The following ROBO1 variants were observed in gnomAD, a reference collection of about 807,000 sequenced individuals.
The protein encoded by ROBO1 is roundabout homolog 1.
A neutral mutation model predicts 195.9 loss-of-function variants in ROBO1; 149 were observed. The observed-to-expected ratio is 0.76, with a 90% CI of 0.67 to 0.87. The LOEUF is 0.87. Ranked by LOEUF, ROBO1 falls within the 40% of genes least tolerant of loss-of-function variation. ROBO1 has a pLI of 0.00. For synonymous variants in ROBO1, 816 were observed against 733.2 expected (o/e 1.11, Z -1.82); for missense variants, 1,933 against 2,068.3 (o/e 0.93, Z 1.27).
intron 2 of ROBO1, among the ~76,000 whole-genome samples, chr3:79,235,909 A>C (rs991934075): frequency 6.6e-6 from 1 of 152,042 alleles, no homozygotes; most frequent in African/African-American, 2.4e-5. Flanking sequence ...TATTTTTGAA[A>C]ATTTTAGAGT....
At chr3:78,760,999 AATT>A (rs1310593284) in intron 4 of ROBO1, among the ~76,000 whole-genome samples, 5 of 152,112 alleles carry the variant, frequency 3.3e-5, no homozygotes, top group Admixed American at 2.0e-4. Flanking sequence ...AATCAAATTT[AATT>A]ATTATTGAGT....
intron 2 of ROBO1, among the ~76,000 whole-genome samples, chr3:79,424,944 A>G (rs2038385803): frequency 6.6e-6 from 1 of 152,176 alleles, no homozygotes; most frequent in African/African-American, 2.4e-5. Context: ...AGAAGGAAGT[A>G]AAAAACGCAG....
chr3:79,495,693 T>G (rs1939691749), intron 2 of ROBO1, among the ~76,000 whole-genome samples: 1 of 152,196 alleles, frequency 6.6e-6, no homozygotes, highest in South Asian at 2.1e-4. Flanking sequence ...TTCCAAAACT[T>G]CTTCATAATC....
chr3:79,194,609 A>G (rs910964907), intron 2 of ROBO1, among the ~76,000 whole-genome samples: 1 of 151,634 alleles, frequency 6.6e-6, no homozygotes, highest in African/African-American at 2.4e-5. Context: ...ATATATATAG[A>G]CGTATAAATG....
At chr3:78,942,945 T>C (rs1182044519) in intron 3 of ROBO1, among the ~76,000 whole-genome samples, 1 of 150,836 alleles carries the variant, frequency 6.6e-6, no homozygotes, top group South Asian at 2.1e-4. Context: ...CCGGGTGCGG[T>C]GGGTCACGCC....
At chr3:78,633,098 G>A (rs1705277400) in intron 24 of ROBO1, among the ~76,000 whole-genome samples, 1 of 152,308 alleles carries the variant, frequency 6.6e-6, no homozygotes, top group African/African-American at 2.4e-5. Context: ...CATTACAGAA[G>A]AAGGGTGGAG....
intron 2 of ROBO1, among the ~76,000 whole-genome samples, chr3:79,448,252 CTAG>C (rs148073298): frequency 5.9e-5 from 9 of 152,198 alleles, no homozygotes; most frequent in African/African-American, 1.9e-4. Context: ...ATGGTATGCT[CTAG>C]TCAAGGGAAA....
At chr3:79,292,891 A>G (rs2032342890) in intron 2 of ROBO1, among the ~76,000 whole-genome samples, 1 of 152,188 alleles carries the variant, frequency 6.6e-6, no homozygotes, top group African/African-American at 2.4e-5. Context: ...CTGGCCTCAT[A>G]AAATAAGTTA....
At chr3:79,364,512 C>T (rs2035894433) in intron 2 of ROBO1, among the ~76,000 whole-genome samples, 1 of 151,832 alleles carries the variant, frequency 6.6e-6, no homozygotes, top group Non-Finnish European at 1.5e-5. Flanking sequence ...GGTTTTTTCT[C>T]CTTTCCTCTA....
chr3:79,641,523 T>C (rs1356063422), intron 1 of ROBO1, among the ~76,000 whole-genome samples: 1 of 151,674 alleles, frequency 6.6e-6, no homozygotes, highest in East Asian at 1.9e-4. Flanking sequence ...AATGTGCACA[T>C]GTACCCTAAA....
chr3:78,933,005 C>G (rs972186612), intron 4 of ROBO1, among the ~76,000 whole-genome samples: 3 of 152,022 alleles, frequency 2.0e-5, no homozygotes, highest in Non-Finnish European at 4.4e-5. Flanking sequence ...TAGAAAGTTG[C>G]TAAGGATTAA....
At chr3:78,980,105 A>T (rs1218409017) in intron 3 of ROBO1, among the ~76,000 whole-genome samples, 2 of 152,182 alleles carry the variant, frequency 1.3e-5, no homozygotes, top group Non-Finnish European at 2.9e-5. Context: ...TATGTTCCAA[A>T]CACATATATT....
intron 2 of ROBO1, among the ~76,000 whole-genome samples, chr3:79,141,567 G>GTTTT (rs11315738): frequency 7.2e-6 from 1 of 139,412 alleles, no homozygotes; most frequent in Non-Finnish European, 1.5e-5. Context: ...TGCTGTTGTT[G>GTTTT]TTTTTTTTTT....
At chr3:79,445,195 AT>A (rs11285714) in intron 2 of ROBO1, among the ~76,000 whole-genome samples, 101,098 of 151,248 alleles carry the variant, frequency 0.67, 35,230 homozygotes, top group African/African-American at 0.88. Flanking sequence ...CCCATTCACT[AT>A]TTTTTTTTGT....
At chr3:78,834,227 C>T (rs2106646714) in intron 4 of ROBO1, among the ~76,000 whole-genome samples, 1 of 151,536 alleles carries the variant, frequency 6.6e-6, no homozygotes, top group South Asian at 2.1e-4. Context: ...GTAGGATATA[C>T]TAAACTTTCA....
chr3:79,233,416 A>T (rs1487217791), intron 2 of ROBO1, among the ~76,000 whole-genome samples: 1 of 152,160 alleles, frequency 6.6e-6, no homozygotes, highest in Non-Finnish European at 1.5e-5. Flanking sequence ...TTCAACAATG[A>T]TTTTTAACAT....
intron 1 of ROBO1, among the ~76,000 whole-genome samples, chr3:79,693,334 T>C (rs1296127931): frequency 6.6e-6 from 1 of 151,650 alleles, no homozygotes; most frequent in Non-Finnish European, 1.5e-5. Context: ...TTTATTGAAA[T>C]ACACAAGCAG....
intron 1 of ROBO1, among the ~76,000 whole-genome samples, chr3:79,721,142 G>C (rs556321403): frequency 2.7e-4 from 41 of 152,228 alleles, no homozygotes; most frequent in African/African-American, 9.4e-4. Flanking sequence ...TGCACCTTCT[G>C]TTCCCCCTTA....
intron 2 of ROBO1, among the ~76,000 whole-genome samples, chr3:79,250,814 G>A (rs945527915): frequency 1.3e-5 from 2 of 152,142 alleles, no homozygotes; most frequent in Non-Finnish European, 2.9e-5. Flanking sequence ...CCAGCACTTT[G>A]GGAGCCAAGG....
Sources: allele counts gnomAD v4.1 joint callset (sites outside exome capture counted in the v4.1 genomes callset), GRCh38; gene constraint gnomAD v4.1.1; transcripts MANE v1.5; gene names NCBI Gene and HGNC (gene_info 2026-07-23, HGNC 2026-07-21).